Variants in ABITRAM observed in about 807,000 individuals in gnomAD.
The protein encoded by ABITRAM is protein Abitram.
In ABITRAM, 19 loss-of-function variants were observed where a neutral mutation model predicts 22.9. The observed-to-expected ratio is 0.83, with a 90% CI of 0.58 to 1.22. The LOEUF is 1.22. Among genes scored for constraint, ABITRAM ranks in the 50% most tolerant of loss-of-function variants. The pLI, the probability that ABITRAM is intolerant of heterozygous loss-of-function variation, is 0.00. For synonymous variants in ABITRAM, 70 were observed against 73.9 expected (o/e 0.95, Z 0.27); for missense variants, 215 against 220.2 (o/e 0.98, Z 0.15).
chr9:108,942,583 T>C, downstream of ABITRAM: 1 of 571,518 alleles, frequency 1.7e-6, no homozygotes, highest in South Asian at 2.4e-5. Context: ...AATCTAGCAA[T>C]TACCAAGACA....
At chr9:108,936,223 G>T in intron 2 of ABITRAM, 85 bp from the exon 3 acceptor site, 1 of 1,472,976 alleles carries the variant, frequency 6.8e-7, no homozygotes, top group Non-Finnish European at 9.2e-7. Flanking sequence ...ACAAATACCA[G>T]TTCATACATT....
rs1830246211 is a variant in ABITRAM, at chr9:108,940,808, ACCT to A, written c.*1125_*1127del. 1 of 152,072 alleles carries A rather than the reference ACCT, an allele frequency of 6.6e-6. No homozygotes were observed. The highest frequency in any genetic ancestry group is 1.5e-5 in the Non-Finnish European group (1 of 68,000). 9.4% of individuals were successfully genotyped at this position (152,072 alleles called of 1,614,324 possible). ...TTCACATCATTTAAAGTAAAAAAAA[ACCT>A]CCAACAACTGTGAATTTATAGTTTA... On this transcript the variant is annotated 3_prime_UTR_variant, in exon 6 of 6. Coordinates refer to ENST00000322940, the MANE Select transcript of ABITRAM (RefSeq NM_017832.4).
Position 108,940,897 on chromosome 9 carries a change from G to A in ABITRAM, c.*1211G>A, listed in dbSNP as rs1212361956. On this transcript the variant is annotated 3_prime_UTR_variant, in exon 6 of 6. Coordinates refer to ENST00000322940, the MANE Select transcript of ABITRAM (RefSeq NM_017832.4). The stretch of plus-strand genomic sequence containing the variant: ...ATAAAACGTGTTATTTTTCTGTAAG[G>A]GCTATAACATACATGTCAATATCAC... 4.6e-5 allele frequency: 7 copies of A among 151,818 alleles called. No homozygotes were observed. Among genetic ancestry groups the A allele is most frequent in the Non-Finnish European group, 7.4e-5 (5 of 67,916 alleles). The allele number at this position is 151,818 out of a possible 1,614,324, so 9.4% of individuals were successfully genotyped here.
chr9:108,942,941 A>C (rs112095252), downstream of ABITRAM: 5 of 1,610,892 alleles, frequency 3.1e-6, no homozygotes, highest in African/African-American at 2.7e-5. Context: ...TATGAGTCTA[A>C]AATAGAAAAA....
intron 3 of ABITRAM, chr9:108,948,185 C>T: frequency 1.2e-6 from 2 of 1,611,636 alleles, no homozygotes; most frequent in South Asian, 1.1e-5. Context: ...ACAAGGCATA[C>T]CTCTAGTTGA....
rs760434340 is a variant in ABITRAM at position 108,948,196 on chromosome 9, T to A, written c.262-2311T>A. 16 of 1,612,124 alleles carry A rather than the reference T, an allele frequency of 9.9e-6. No homozygotes were observed. The East Asian group carries it at 3.6e-4, about 36-fold the overall frequency. ...GGAAACAAGGCATACCTCTAGTTGATGAATTAAATCCTGGGAAGTTTTCAG... is the reference window on the plus strand; with the variant it reads ...GGAAACAAGGCATACCTCTAGTTGAAGAATTAAATCCTGGGAAGTTTTCAG... On this transcript the variant is annotated intron_variant, in intron 3 of 3. Coordinates refer to the ABITRAM transcript ENST00000374624.
At chr9:108,936,141 T>C in intron 2 of ABITRAM, 167 bp from the exon 3 acceptor site, 1 of 672,122 alleles carries the variant, frequency 1.5e-6, no homozygotes, top group Non-Finnish European at 2.4e-6. Flanking sequence ...CTTTTATTAT[T>C]GTATTCTCTA....
chr9:108,943,182 A>G, downstream of ABITRAM: 1 of 780,062 alleles, frequency 1.3e-6, no homozygotes, highest in Non-Finnish European at 2.0e-6. Flanking sequence ...ATTTAGGCAC[A>G]TGAGCTGACT....
chr9:108,943,004 A>G (rs142688940), downstream of ABITRAM: 47 of 1,612,810 alleles, frequency 2.9e-5, no homozygotes, highest in East Asian at 1.8e-4. Context: ...TTGGACTAAG[A>G]GAGCCATCAT....
intron 3 of ABITRAM, among the ~76,000 whole-genome samples, chr9:108,938,004 A>G (rs1481243747): frequency 1.3e-5 from 2 of 151,574 alleles, no homozygotes; most frequent in Non-Finnish European, 2.9e-5. Flanking sequence ...CTCAAAAAAA[A>G]AAAAAAAAAA....
At chr9:108,942,546 C>T, downstream of ABITRAM, 1 of 547,016 alleles carries the variant, frequency 1.8e-6, no homozygotes, top group Non-Finnish European at 3.2e-6. Flanking sequence ...GTGCAATGTT[C>T]TATTTTAAAA....
chr9:108,939,314 G>A, intron 4 of ABITRAM, 42 bp downstream of exon 4: 1 of 1,593,088 alleles, frequency 6.3e-7, no homozygotes, highest in Non-Finnish European at 8.5e-7. Context: ...CCAAAGGGAG[G>A]TAATTTTTTT....
Position 108,939,427 on chromosome 9 carries a change from C to T in ABITRAM, c.381C>T (p.Leu127=). The T allele has an allele frequency of 6.2e-7, 1 of 1,610,992 alleles. No individual in the cohort carries two copies. The highest frequency in any genetic ancestry group is 8.5e-7 in the Non-Finnish European group (1 of 1,179,262). The change falls in exon 5 of 6, where the codon CTC becomes CTT. Residue 127 remains leucine (L), a synonymous_variant. Coordinates refer to ENST00000322940, the MANE Select transcript of ABITRAM (RefSeq NM_017832.4). ...TGATGGAAGTGAATGAAAACATCCTCCATAAGCCATCTATTCTTCAAGAAA... is the reference window on the plus strand; with the variant it reads ...TGATGGAAGTGAATGAAAACATCCTTCATAAGCCATCTATTCTTCAAGAAA... ...GRLMEVNENI[L]HKPSILQEKP...
downstream of ABITRAM, chr9:108,943,676 T>C (rs778012892): frequency 1.9e-6 from 3 of 1,586,304 alleles, no homozygotes; most frequent in Non-Finnish European, 2.6e-6. Context: ...GATAGATGTG[T>C]GAAAGTTTTT....
chr9:108,942,820 A>AT, downstream of ABITRAM: 1 of 1,613,740 alleles, frequency 6.2e-7, no homozygotes, highest in Non-Finnish European at 8.5e-7. Flanking sequence ...CCCATCCGTT[A>AT]TTTTCCATCT....
downstream of ABITRAM, chr9:108,942,961 C>T: frequency 6.2e-7 from 1 of 1,611,814 alleles, no homozygotes; most frequent in Admixed American, 1.7e-5. Flanking sequence ...ACTACCTCAC[C>T]TTCTTCAGCA....
intron 3 of ABITRAM, chr9:108,948,286 T>G: frequency 6.5e-7 from 1 of 1,549,982 alleles, no homozygotes; most frequent in East Asian, 2.3e-5. Context: ...TACCTGAAAA[T>G]TGACTTTATA....
In ABITRAM at chr9:108,934,409, A is replaced by G; in HGVS notation, c.-78A>G. 1.6e-6 allele frequency: 2 copies of G among 1,237,078 alleles called. No individual in the cohort carries two copies. Among genetic ancestry groups the G allele is most frequent in the East Asian group, 3.1e-5 (1 of 32,702 alleles). 76.6% of individuals were successfully genotyped at this position (1,237,078 alleles called of 1,614,324 possible). A position where few individuals can be genotyped will look rare whatever the true frequency, so the allele number is the denominator to read the frequency against. On this transcript the variant is annotated 5_prime_UTR_variant, in exon 1 of 6. Coordinates refer to ENST00000322940, the MANE Select transcript of ABITRAM (RefSeq NM_017832.4). Reference sequence around the variant, plus strand: ...GCGCACGACACGCGCTGTGCGCCGGAAGAGCACGCCCAGTCCGGGCTGCGC... The same window carrying G: ...GCGCACGACACGCGCTGTGCGCCGGGAGAGCACGCCCAGTCCGGGCTGCGC...
At position 108,934,486 on chromosome 9, in the gene ABITRAM, C is replaced by G; in HGVS notation, c.-1C>G. 6.2e-7 allele frequency: 1 copy of G among 1,601,104 alleles called. No individual in the cohort carries two copies. The highest frequency in any genetic ancestry group is 8.5e-7 in the Non-Finnish European group (1 of 1,175,232). ...CGGGGGTGGCGGCGCCGGAGGTCGCCATGGCTACCGAGCCCGAAGCCGCGG... is the reference window on the plus strand; with the variant it reads ...CGGGGGTGGCGGCGCCGGAGGTCGCGATGGCTACCGAGCCCGAAGCCGCGG... On this transcript the variant is annotated 5_prime_UTR_variant, in exon 1 of 6. Coordinates refer to ENST00000322940, the MANE Select transcript of ABITRAM (RefSeq NM_017832.4).
Sources: allele counts gnomAD v4.1 joint callset (sites outside exome capture counted in the v4.1 genomes callset), GRCh38; gene constraint gnomAD v4.1.1; transcripts MANE v1.5; gene names NCBI Gene and HGNC (gene_info 2026-07-23, HGNC 2026-07-21).